STON1: variants seen among roughly 807,000 people sequenced by gnomAD.
The protein encoded by STON1 is stonin 1.
Under a neutral mutation model 60.9 loss-of-function variants are expected in STON1, and 79 were observed. That is an observed-to-expected ratio of 1.30 (90% CI 1.08 to 1.56). STON1 has a LOEUF of 1.56. Among genes scored for constraint, STON1 ranks in the 40% most tolerant of loss-of-function variants. STON1 has a pLI of 0.00. For missense variants in STON1, 1,166 were observed against 858.9 expected, an observed-to-expected ratio of 1.36 and a Z score of -4.47; for synonymous variants, 363 against 306.9, an observed-to-expected ratio of 1.18 and a Z score of -1.91.
At chr2:48,547,674 G>A (rs146056046) in intron 1 of STON1, among the ~76,000 whole-genome samples, 12 of 152,342 alleles carry the variant, frequency 7.9e-5, no homozygotes, top group Admixed American at 7.8e-4. Flanking sequence ...AATGCCAGCT[G>A]TTTGTCTCAA....
chr2:48,538,104 C>T (rs1028640484), intron 1 of STON1, among the ~76,000 whole-genome samples: 6 of 151,770 alleles, frequency 4.0e-5, no homozygotes, highest in African/African-American at 1.5e-4. Flanking sequence ...CAGGCACGCG[C>T]CACCACGTGG....
At chr2:48,566,471 C>T (rs557349566) in intron 1 of STON1, among the ~76,000 whole-genome samples, 181 of 151,610 alleles carry the variant, frequency 1.2e-3, no homozygotes, top group Admixed American at 4.3e-3. Context: ...TTAGTAGAGA[C>T]GGGGTTTCAC....
In STON1 at chr2:48,581,487, A is replaced by G; in HGVS notation, c.854A>G (p.Lys285Arg). Residue 285 changes from lysine (K) to arginine (R), a missense_variant, in exon 2 of 4, where the codon AAG (lysine) becomes AGG (arginine). By Grantham distance (26) the Lys-to-Arg change is conservative. Transcript: ENST00000404752. Reference sequence around the variant, plus strand: ...TCTTTCATGCTGAGAATTCCTGAGAAGAAGAATATGATGTCTTCCCGGCAA... The same window carrying G: ...TCTTTCATGCTGAGAATTCCTGAGAGGAAGAATATGATGTCTTCCCGGCAA... The part of the protein sequence containing the change: ...GWSFMLRIPE[K>R]KNMMSSRQWG... 1 of 1,614,262 alleles carries G rather than the reference A, an allele frequency of 6.2e-7. No homozygotes were observed. Among genetic ancestry groups the G allele is most frequent in the Non-Finnish European group, 8.5e-7 (1 of 1,180,052 alleles).
intron 2 of STON1, among the ~76,000 whole-genome samples, chr2:48,586,640 G>T (rs1480825047): frequency 1.3e-5 from 2 of 152,190 alleles, no homozygotes; most frequent in African/African-American, 4.8e-5. Context: ...GAGTGGTCGG[G>T]GAAGAGACCA....
At chr2:48,545,625 G>A (rs1671834755) in intron 1 of STON1, among the ~76,000 whole-genome samples, 1 of 152,176 alleles carries the variant, frequency 6.6e-6, no homozygotes, top group Admixed American at 6.5e-5. Context: ...ATCTGCCTGT[G>A]CTCCTCACTC....
Position 48,581,853 on chromosome 2 carries a change from A to C in STON1, c.1220A>C (p.Lys407Thr), listed in dbSNP as rs570269352. The change falls in exon 2 of 4, where the codon AAA becomes ACA. Residue 407 changes from lysine to threonine, a missense_variant. By Grantham distance (78) the Lys-to-Thr change is moderately conservative (BLOSUM62 -1). Coordinates refer to ENST00000404752, the MANE Select transcript of STON1 (RefSeq NM_006873.4). ...LMKLPAVSKP[K>T]KNYEEQEISL... ...AAGTTGCCAGCTGTTTCAAAACCAA[A>C]AAAGAACTACGAGGAGCAAGAAATT... is the stretch of plus-strand genomic sequence containing the variant. The C allele has an allele frequency of 3.1e-6, 5 of 1,614,208 alleles. No individual in the cohort carries two copies. The highest frequency in any genetic ancestry group is 4.2e-6 in the Non-Finnish European group (5 of 1,180,048).
chr2:48,549,924 A>G (rs1255812453), intron 1 of STON1, among the ~76,000 whole-genome samples: 2 of 151,920 alleles, frequency 1.3e-5, no homozygotes, highest in Non-Finnish European at 2.9e-5. Flanking sequence ...TGTCCTCAAC[A>G]TCAGGCCAGC....
At chr2:48,571,802 C>T (rs1400483316) in intron 1 of STON1, among the ~76,000 whole-genome samples, 1 of 151,984 alleles carries the variant, frequency 6.6e-6, no homozygotes, top group Non-Finnish European at 1.5e-5. Context: ...GTTTTGAGAC[C>T]AGAATAGAAA....
At chr2:48,578,856 G>C (rs1368209008) in intron 1 of STON1, among the ~76,000 whole-genome samples, 2 of 151,928 alleles carry the variant, frequency 1.3e-5, no homozygotes, top group Non-Finnish European at 2.9e-5. Flanking sequence ...CTCCCAAAGT[G>C]CTGGGATTAT....
In STON1 at chr2:48,582,244, G is replaced by T. The variant is rs773593670; in HGVS notation, c.1611G>T (p.Gln537His). ...CCTTGAAGTCTGTAGTGGTTGTCCA[G>T]GGAGCATACGTGGAACTTCAGGCTT... Reference protein sequence around the residue: ...PFSLKSVVVVQGAYVELQAFV... With the variant: ...PFSLKSVVVVHGAYVELQAFV... The change falls in exon 2 of 4, where the codon CAG becomes CAT. Residue 537 changes from glutamine (Q) to histidine (H), a missense_variant. By Grantham distance (24) the Gln-to-His change is conservative. Transcript: ENST00000404752. 3.7e-6 allele frequency: 6 copies of T among 1,614,206 alleles called. No homozygotes were observed. The highest frequency in any genetic ancestry group is 5.1e-6 in the Non-Finnish European group (6 of 1,180,038).
At chr2:48,540,310 C>A (rs943498185) in intron 1 of STON1, among the ~76,000 whole-genome samples, 3 of 152,140 alleles carry the variant, frequency 2.0e-5, no homozygotes, top group Non-Finnish European at 4.4e-5. Flanking sequence ...TGTTATAATA[C>A]TGGGTGTGTT....
chr2:48,562,110 C>G (rs958502788), intron 1 of STON1, among the ~76,000 whole-genome samples: 1 of 152,236 alleles, frequency 6.6e-6, no homozygotes, highest in South Asian at 2.1e-4. Context: ...ATCCACCCAC[C>G]TTGGCCTCCC....
At chr2:48,565,340 C>G (rs1672894924) in intron 1 of STON1, among the ~76,000 whole-genome samples, 1 of 152,160 alleles carries the variant, frequency 6.6e-6, no homozygotes, top group Non-Finnish European at 1.5e-5. Flanking sequence ...GCGTGAGCCA[C>G]CGCGCCCAGC....
chr2:48,593,465 G>A (rs1674639126), intron 3 of STON1, among the ~76,000 whole-genome samples: 1 of 152,192 alleles, frequency 6.6e-6, no homozygotes, highest in South Asian at 2.1e-4. Context: ...AAATTAAATA[G>A]TGCATTACAG....
At chr2:48,554,792 C>T in intron 1 of STON1, among the ~76,000 whole-genome samples, 1 of 60,724 alleles carries the variant, frequency 1.6e-5, no homozygotes, top group African/African-American at 6.1e-5. Flanking sequence ...TTGGCAGGGT[C>T]ATGGGACAAT....
At chr2:48,553,508 G>C (rs1318103855) in intron 1 of STON1, among the ~76,000 whole-genome samples, 2 of 150,572 alleles carry the variant, frequency 1.3e-5, no homozygotes, top group Non-Finnish European at 3.0e-5. Flanking sequence ...TTTTTTTGAG[G>C]TGGAGTTTTG....
At chr2:48,565,669 C>G (rs1007849818) in intron 1 of STON1, among the ~76,000 whole-genome samples, 1 of 152,148 alleles carries the variant, frequency 6.6e-6, no homozygotes, top group Non-Finnish European at 1.5e-5. Flanking sequence ...AAACCAAGGT[C>G]CAGAGTTGGG....
At chr2:48,550,253 T>G (rs1193361888) in intron 1 of STON1, among the ~76,000 whole-genome samples, 2 of 152,180 alleles carry the variant, frequency 1.3e-5, no homozygotes, top group South Asian at 2.1e-4. Flanking sequence ...TTCCCAGCAC[T>G]TTGAGAGGCT....
chr2:48,558,235 G>A (rs756456607), intron 1 of STON1, among the ~76,000 whole-genome samples: 5 of 152,072 alleles, frequency 3.3e-5, no homozygotes, highest in Non-Finnish European at 5.9e-5. Flanking sequence ...TCAAAATAGA[G>A]AAAGAAAAAA....
Sources: gnomAD v4.1 joint callset for allele counts (sites outside exome capture counted in the v4.1 genomes callset) on GRCh38, gnomAD v4.1.1 for gene constraint, MANE v1.5 for transcripts, NCBI Gene and HGNC (gene_info 2026-07-23, HGNC 2026-07-21) for gene names.